The following CORIN variants were observed in gnomAD, a reference collection of about 807,000 sequenced individuals.
CORIN encodes the protein atrial natriuretic peptide-converting enzyme.
In CORIN, 117 loss-of-function variants were observed where a neutral mutation model predicts 125.3. That is an observed-to-expected ratio of 0.93 (90% CI 0.80 to 1.09). The LOEUF (loss-of-function observed/expected upper bound fraction) is 1.09, where lower values mean the gene tolerates loss of function less well. Among genes scored for constraint, CORIN ranks in the 50% least tolerant of loss-of-function variants. The probability of loss-of-function intolerance (pLI) is 0.00; values close to 1 mark genes in which losing one functional copy is unlikely to be tolerated. For missense variants in CORIN, 1,253 were observed against 1,306.7 expected, an observed-to-expected ratio of 0.96 and a Z score of 0.63; for synonymous variants, 450 against 466.4, an observed-to-expected ratio of 0.96 and a Z score of 0.45.
chr4:47,624,260 T>C (rs1361666878), intron 17 of CORIN, among the ~76,000 whole-genome samples: 2 of 152,194 alleles, frequency 1.3e-5, no homozygotes, highest in African/African-American at 2.4e-5. Flanking sequence ...TTAACAAAAT[T>C]TCCCACATCA....
chr4:47,791,624 A>G (rs945526611), intron 2 of CORIN, among the ~76,000 whole-genome samples: 5 of 152,208 alleles, frequency 3.3e-5, no homozygotes, highest in African/African-American at 1.2e-4. Flanking sequence ...AGAGTGAATT[A>G]GCTTGCTCAA....
At chr4:47,810,063 G>A (rs140677241) in intron 1 of CORIN, among the ~76,000 whole-genome samples, 6 of 152,338 alleles carry the variant, frequency 3.9e-5, no homozygotes, top group African/African-American at 1.4e-4. Flanking sequence ...CATGGCAAGG[G>A]TAGGGAACGA....
rs537222719 is a variant in CORIN at position 47,691,734 on chromosome 4, GT to G, written c.913+1235del. ...AGTAGACCTGATAGTATTTCCCAAA[GT>G]TTTTTTTTTTCAAGCATTATTCCAG... On this transcript the variant is annotated intron_variant, in intron 6 of 21. Coordinates refer to ENST00000273857, the MANE Select transcript of CORIN (RefSeq NM_006587.4). 6.6e-3 allele frequency among the ~76,000 whole-genome samples: 968 copies of G among 145,734 alleles called. 4 individuals carry two copies. The highest frequency in any genetic ancestry group is 0.018 in the South Asian group (81 of 4,512).
chr4:47,692,236 A>G (rs1414647023), intron 6 of CORIN, among the ~76,000 whole-genome samples: 1 of 152,228 alleles, frequency 6.6e-6, no homozygotes, highest in African/African-American at 2.4e-5. Flanking sequence ...TAGTGTTCTA[A>G]TTGGAGATAC....
chr4:47,652,905 A>G (rs896873504), intron 13 of CORIN, among the ~76,000 whole-genome samples: 1 of 152,216 alleles, frequency 6.6e-6, no homozygotes, highest in Non-Finnish European at 1.5e-5. Context: ...AAAACTGATA[A>G]CAATGGCTTT....
chr4:47,622,676 C>T (rs577862722), intron 19 of CORIN, among the ~76,000 whole-genome samples: 50 of 152,134 alleles, frequency 3.3e-4, no homozygotes, highest in Middle Eastern at 3.4e-3. Context: ...TCATGTCCTT[C>T]GCCCACTTTT....
chr4:47,786,208 G>A (rs1730795937), intron 3 of CORIN, among the ~76,000 whole-genome samples: 1 of 152,100 alleles, frequency 6.6e-6, no homozygotes, highest in Non-Finnish European at 1.5e-5. Context: ...AGTCCTACCT[G>A]AACATCTGGG....
intron 1 of CORIN, among the ~76,000 whole-genome samples, chr4:47,820,816 T>C (rs1184935845): frequency 6.6e-6 from 1 of 152,096 alleles, no homozygotes; most frequent in Non-Finnish European, 1.5e-5. Context: ...AAGGGAAAAA[T>C]AGAGTCAATT....
At chr4:47,744,725 T>A in intron 4 of CORIN, 142 bp from the exon 5 acceptor site, 1 of 700,550 alleles carries the variant, frequency 1.4e-6, no homozygotes, top group Non-Finnish European at 2.2e-6. Flanking sequence ...AATTTTTACA[T>A]TCAGTCCTAT....
At chr4:47,678,161 G>T in intron 8 of CORIN, 107 bp from the exon 9 acceptor site, 1 of 789,246 alleles carries the variant, frequency 1.3e-6, no homozygotes, top group South Asian at 1.5e-5. Context: ...GAAACAAGGT[G>T]TTCTGCACAC....
intron 3 of CORIN, among the ~76,000 whole-genome samples, chr4:47,772,733 C>CG (rs1245370157): frequency 2.6e-5 from 4 of 151,944 alleles, no homozygotes; most frequent in African/African-American, 4.8e-5. Flanking sequence ...TAAAACAATG[C>CG]TTACACAATG....
Position 47,665,085 on chromosome 4 carries a change from G to T in CORIN, c.1536C>A (p.Thr512=), listed in dbSNP as rs772542910. Residue 512 remains threonine, a synonymous_variant, in exon 11 of 22, where the codon ACC becomes ACA. Transcript: ENST00000273857. ...CYKYLMFFSC[T]ILVPKCDVNT... ...TCACATCACATTTTGGTACCAAAAT[G>T]GTGCAAGAAAAGAACATGAGGTATT... The T allele has an allele frequency of 2.5e-6, 4 of 1,613,672 alleles. No homozygotes were observed. The East Asian group carries it at 6.7e-5, about 27-fold the overall frequency.
At chr4:47,837,756 A>T in intron 1 of CORIN, 131 bp downstream of exon 1, 1 of 853,310 alleles carries the variant, frequency 1.2e-6, no homozygotes, top group Non-Finnish European at 2.0e-6. Context: ...GCGGGAGCTC[A>T]CCGGCGGCTG....
intron 4 of CORIN, among the ~76,000 whole-genome samples, chr4:47,745,725 A>T (rs960780418): frequency 6.6e-6 from 1 of 152,206 alleles, no homozygotes; most frequent in African/African-American, 2.4e-5. Flanking sequence ...CACATTTACA[A>T]TACCCCATTC....
chr4:47,667,799 G>A (rs756340037), intron 10 of CORIN, among the ~76,000 whole-genome samples: 4 of 152,128 alleles, frequency 2.6e-5, no homozygotes, highest in African/African-American at 7.2e-5. Context: ...GGGGTTGGTC[G>A]GTTCAGTTTA....
intron 5 of CORIN, among the ~76,000 whole-genome samples, chr4:47,715,046 G>T (rs1349828044): frequency 6.6e-6 from 1 of 152,158 alleles, no homozygotes; most frequent in Non-Finnish European, 1.5e-5. Flanking sequence ...AAAGCAGGAG[G>T]AGACTCAAAG....
intron 5 of CORIN, among the ~76,000 whole-genome samples, chr4:47,702,123 A>C (rs1451314172): frequency 6.6e-6 from 1 of 152,174 alleles, no homozygotes; most frequent in Non-Finnish European, 1.5e-5. Flanking sequence ...TTCTTTAAAA[A>C]AATTGTGTTT....
intron 5 of CORIN, among the ~76,000 whole-genome samples, chr4:47,719,974 G>A (rs1336489748): frequency 6.6e-6 from 1 of 152,138 alleles, no homozygotes; most frequent in Admixed American, 6.5e-5. Context: ...GTTTTTATTT[G>A]AATCGGTTGT....
At chr4:47,772,041 T>C (rs1730055062) in intron 3 of CORIN, among the ~76,000 whole-genome samples, 1 of 152,120 alleles carries the variant, frequency 6.6e-6, no homozygotes, top group African/African-American at 2.4e-5. Context: ...ATTCTCTTGG[T>C]GATGTATTTT....
Sources: allele counts gnomAD v4.1 joint callset (sites outside exome capture counted in the v4.1 genomes callset), GRCh38; gene constraint gnomAD v4.1.1; transcripts MANE v1.5; gene names NCBI Gene and HGNC (gene_info 2026-07-23, HGNC 2026-07-21).